The following QDPR variants were observed in gnomAD, a reference collection of about 807,000 sequenced individuals.
QDPR encodes quinoid dihydropteridine reductase, also known as dihydropteridine reductase.
In QDPR, 23 loss-of-function variants were observed where a neutral mutation model predicts 31.7. The ratio of observed to expected loss-of-function variants is 0.73; its 90% CI spans 0.52 to 1.03. The LOEUF (loss-of-function observed/expected upper bound fraction) is 1.03. Among genes scored for constraint, QDPR ranks in the 50% least tolerant of loss-of-function variants. QDPR has a pLI of 0.00. For synonymous variants in QDPR, 124 were observed against 124.7 expected (o/e 0.99, Z 0.03); for missense variants, 324 against 323.8 (o/e 1.00, Z 0.00).
intron 4 of QDPR, among the ~76,000 whole-genome samples, chr4:17,499,740 C>T (rs967571870): frequency 5.3e-5 from 8 of 152,076 alleles, no homozygotes; most frequent in Non-Finnish European, 1.0e-4. Context: ...GGCATCATAG[C>T]GAGACCCTGC....
intron 4 of QDPR, among the ~76,000 whole-genome samples, chr4:17,499,205 C>T (rs1386343634): frequency 1.3e-5 from 2 of 152,100 alleles, no homozygotes; most frequent in Non-Finnish European, 2.9e-5. Context: ...CTCAGAAAGG[C>T]GAAGTAACTT....
chr4:17,491,414 T>C (rs1366164473), intron 5 of QDPR, among the ~76,000 whole-genome samples: 1 of 152,210 alleles, frequency 6.6e-6, no homozygotes, highest in Non-Finnish European at 1.5e-5. Flanking sequence ...GCAAGCCTGC[T>C]GGTGCTGGAA....
At chr4:17,494,100 C>A (rs1718266718) in intron 4 of QDPR, among the ~76,000 whole-genome samples, 2 of 152,232 alleles carry the variant, frequency 1.3e-5, no homozygotes, top group Admixed American at 6.5e-5. Flanking sequence ...CTGGGAGAGG[C>A]TACTAAACCT....
rs529698353 is a variant in QDPR, at chr4:17,512,078, C to G, written c.-24G>C. The G allele has an allele frequency of 5.8e-6, 9 of 1,554,176 alleles. No individual in the cohort carries two copies. The highest frequency in any genetic ancestry group is 7.8e-6 in the Non-Finnish European group (9 of 1,153,062). ...ATCCTGCTCCTGCCAGCCCGGCTCC[C>G]GCAGCTCCGAATGCCTCGAGCCGGA... On this transcript the variant is annotated 5_prime_UTR_variant, in exon 1 of 7. Transcript: ENST00000281243.
intron 1 of QDPR, chr4:17,509,806 C>A: frequency 2.8e-6 from 1 of 362,554 alleles, no homozygotes; most frequent in East Asian, 7.5e-5. Context: ...ATATTGGGCT[C>A]CATCCCAGGC....
In QDPR at chr4:17,511,106, T is replaced by C. The variant is rs892968632; in HGVS notation, c.105+844A>G. 2.0e-5 allele frequency among the ~76,000 whole-genome samples: 3 copies of C among 152,166 alleles called. No individual in the cohort carries two copies. In the South Asian group the frequency reaches 6.2e-4, roughly 32 times the overall value. On this transcript the variant is annotated intron_variant, in intron 1 of 6. Coordinates refer to ENST00000281243, the MANE Select transcript of QDPR (RefSeq NM_000320.3). ...TTTTTAAAGAAAATCCTGAAAGCCT[T>C]TTTCTGGTCCCAGGGGAACTCTTGC... is the stretch of plus-strand genomic sequence containing the variant.
At chr4:17,511,659 C>G (rs1719012429) in intron 1 of QDPR, among the ~76,000 whole-genome samples, 2 of 152,204 alleles carry the variant, frequency 1.3e-5, no homozygotes, top group Non-Finnish European at 2.9e-5. Flanking sequence ...CACCCCTGCT[C>G]CCGTTCCTCC....
At chr4:17,498,202 C>T (rs1718433373) in intron 4 of QDPR, among the ~76,000 whole-genome samples, 1 of 152,196 alleles carries the variant, frequency 6.6e-6, no homozygotes, top group Non-Finnish European at 1.5e-5. Flanking sequence ...GCTGTGGAGG[C>T]ATCGCAAGTC....
intron 4 of QDPR, among the ~76,000 whole-genome samples, chr4:17,500,395 C>T (rs1365735935): frequency 1.3e-5 from 2 of 152,152 alleles, no homozygotes; most frequent in East Asian, 1.9e-4. Flanking sequence ...TGAAATAGAT[C>T]CCCCCAACAT....
At chr4:17,507,602 C>CTTTTT in intron 2 of QDPR, among the ~76,000 whole-genome samples, 1 of 143,702 alleles carries the variant, frequency 7.0e-6, no homozygotes, top group Non-Finnish European at 1.5e-5. Context: ...ATTTTTCTTT[C>CTTTTT]TTTTTTTTTT....
At chr4:17,511,882 G>A (rs1719024181) in intron 1 of QDPR, 68 bp downstream of exon 1, 8 of 1,493,404 alleles carry the variant, frequency 5.4e-6, no homozygotes, top group Non-Finnish European at 6.3e-6. Context: ...ACTGCCCCCC[G>A]CCGGGTTCCA....
chr4:17,489,422 A>G (rs1357185864), intron 6 of QDPR, among the ~76,000 whole-genome samples: 1 of 152,172 alleles, frequency 6.6e-6, no homozygotes, highest in African/African-American at 2.4e-5. Flanking sequence ...AAATTCAAAC[A>G]CAAACACAAT....
At position 17,486,688 on chromosome 4, in the gene QDPR, G is replaced by A. The variant is rs1717968309; in HGVS notation, c.*443C>T. 2 of 220,062 alleles carry A rather than the reference G, an allele frequency of 9.1e-6. No individual in the cohort carries two copies. The highest frequency in any genetic ancestry group is 4.5e-5 in the African/African-American group (2 of 44,184). 13.6% of individuals were successfully genotyped at this position (220,062 alleles called of 1,614,324 possible). On this transcript the variant is annotated 3_prime_UTR_variant, in exon 7 of 7. Coordinates refer to ENST00000281243, the MANE Select transcript of QDPR (RefSeq NM_000320.3). ...TAGTTTTGCTTATACCACAAAAGGA[G>A]TTAAGGCAGTTTAATTCAAGGATGC...
chr4:17,499,021 C>T (rs1224534889), intron 4 of QDPR, among the ~76,000 whole-genome samples: 1 of 152,150 alleles, frequency 6.6e-6, no homozygotes, highest in Non-Finnish European at 1.5e-5. Context: ...TGAGGCAGAA[C>T]AGCTGGGCAG....
rs894191427 is a variant in QDPR at position 17,512,057 on chromosome 4, T to C, written c.-3A>G. On this transcript the variant is annotated 5_prime_UTR_variant, in exon 1 of 7. Coordinates refer to ENST00000281243, the MANE Select transcript of QDPR (RefSeq NM_000320.3). Reference sequence around the variant, plus strand: ...CCTGCAGCCGCCGCCGCCGCCATCCTGCTCCTGCCAGCCCGGCTCCCGCAG... The same window carrying C: ...CCTGCAGCCGCCGCCGCCGCCATCCCGCTCCTGCCAGCCCGGCTCCCGCAG... 1.3e-6 allele frequency: 2 copies of C among 1,595,050 alleles called. No homozygotes were observed. The highest frequency in any genetic ancestry group is 1.7e-6 in the Non-Finnish European group (2 of 1,172,720).
intron 4 of QDPR, among the ~76,000 whole-genome samples, chr4:17,497,785 C>A (rs1009227368): frequency 5.9e-5 from 9 of 152,208 alleles, no homozygotes; most frequent in Middle Eastern, 3.4e-3. Flanking sequence ...ATATTTCTTT[C>A]TTTTTCGCCA....
At chr4:17,507,580 A>G (rs1718832470) in intron 2 of QDPR, among the ~76,000 whole-genome samples, 1 of 149,664 alleles carries the variant, frequency 6.7e-6, no homozygotes, top group South Asian at 2.1e-4. Context: ...GCACTGCTTA[A>G]GAGCATCAAA....
At chr4:17,507,838 G>A (rs1379608533) in intron 2 of QDPR, among the ~76,000 whole-genome samples, 4 of 151,990 alleles carry the variant, frequency 2.6e-5, no homozygotes, top group African/African-American at 7.3e-5. Context: ...TCCTGACCTC[G>A]TGATCCGCCC....
intron 2 of QDPR, among the ~76,000 whole-genome samples, chr4:17,508,590 C>T (rs1718873162): frequency 1.3e-5 from 2 of 149,774 alleles, no homozygotes; most frequent in Admixed American, 1.3e-4. Context: ...TATCACACAT[C>T]TACAAAGAGG....
Sources: allele counts gnomAD v4.1 joint callset (sites outside exome capture counted in the v4.1 genomes callset), GRCh38; gene constraint gnomAD v4.1.1; transcripts MANE v1.5; gene names NCBI Gene and HGNC (gene_info 2026-07-23, HGNC 2026-07-21).